Variants in TOM1 observed in about 807,000 individuals in gnomAD.
TOM1 encodes the protein target of Myb protein 1.
In TOM1, 38 loss-of-function variants were observed where a neutral mutation model predicts 61.3. The observed-to-expected ratio is 0.62, with a 90% confidence interval of 0.48 to 0.81. The LOEUF is 0.81. TOM1 is among the 40% of genes least tolerant of loss of function. TOM1 has a pLI of 0.00. For missense variants in TOM1, 591 were observed against 659.6 expected (o/e 0.90, Z 1.14); for synonymous variants, 270 against 268.8 (o/e 1.00, Z -0.04).
At chr22:35,302,493 C>T (rs1312796043) in intron 1 of TOM1, among the ~76,000 whole-genome samples, 2 of 151,844 alleles carry the variant, frequency 1.3e-5, no homozygotes, top group Non-Finnish European at 2.9e-5. Flanking sequence ...CGCTCCGCCA[C>T]ACCCGACTAA....
intron 11 of TOM1, chr22:35,336,594 A>C (rs971252522): frequency 6.6e-6 from 1 of 152,340 alleles, no homozygotes; most frequent in Non-Finnish European, 1.5e-5. Context: ...TCACAAAGGC[A>C]GGGGTGTCCT....
intron 6 of TOM1, 48 bp from the exon 7 acceptor site, chr22:35,327,223 G>A: frequency 1.3e-6 from 2 of 1,562,428 alleles, no homozygotes; most frequent in Admixed American, 1.7e-5. Flanking sequence ...GAGTAACATG[G>A]GCCCCAGAAC....
rs3765222 is a variant in TOM1 at position 35,327,238 on chromosome 22, G to T, written c.649-33G>T. The T allele has an allele frequency of 2.3e-5, 37 of 1,599,820 alleles. No individual in the cohort carries two copies. In the East Asian group the frequency reaches 8.3e-4, roughly 36 times the overall value. On this transcript the variant is annotated intron_variant, in intron 6 of 14. Coordinates refer to ENST00000449058, the MANE Select transcript of TOM1 (RefSeq NM_005488.3). ...GAGTAACATGGGCCCCAGAACCCTG[G>T]CTTCTCTCACCACGATCAACTGTGT...
chr22:35,328,374 C>A (rs1255188948), intron 7 of TOM1, among the ~76,000 whole-genome samples: 2 of 152,244 alleles, frequency 1.3e-5, no homozygotes, highest in Non-Finnish European at 2.9e-5. Flanking sequence ...AGCTCCCATG[C>A]ACTGGGCACT....
chr22:35,343,776 TAC>T (rs937204204), intron 12 of TOM1, among the ~76,000 whole-genome samples: 1 of 103,340 alleles, frequency 9.7e-6, no homozygotes, highest in Non-Finnish European at 2.0e-5. Flanking sequence ...CATACACACC[TAC>T]ACACACCACA....
At chr22:35,334,104 C>A (rs193120194) in intron 10 of TOM1, among the ~76,000 whole-genome samples, 2 of 152,176 alleles carry the variant, frequency 1.3e-5, no homozygotes, top group African/African-American at 2.4e-5. Flanking sequence ...TGTTCTCTAA[C>A]GCTCACAGCA....
In TOM1 at chr22:35,347,265, T is replaced by C. The variant is rs1478439295; in HGVS notation, c.*56T>C. ...CCCCACTGCTCTCACACCCTTAGGC[T>C]GGGACCTCCCTCCCTCCTCTGGTGT... On this transcript the variant is annotated 3_prime_UTR_variant, in exon 15 of 15. Transcript: ENST00000449058. 1 of 1,512,324 alleles carries C rather than the reference T, an allele frequency of 6.6e-7. No individual in the cohort carries two copies. The highest frequency in any genetic ancestry group is 1.4e-5 in the African/African-American group (1 of 71,600). 93.7% of individuals were successfully genotyped at this position (1,512,324 alleles called of 1,614,324 possible).
chr22:35,301,209 G>A (rs1162209618), intron 1 of TOM1, among the ~76,000 whole-genome samples: 1 of 152,006 alleles, frequency 6.6e-6, no homozygotes, highest in Non-Finnish European at 1.5e-5. Flanking sequence ...CCTGGACGAC[G>A]CAGGGAGAGC....
chr22:35,311,973 G>A (rs1039955260), intron 1 of TOM1, among the ~76,000 whole-genome samples: 5 of 152,120 alleles, frequency 3.3e-5, no homozygotes, highest in African/African-American at 9.7e-5. Context: ...AGGGGAGTTC[G>A]GCTGGGCACG....
chr22:35,343,018 C>A (rs1930034289), intron 12 of TOM1, among the ~76,000 whole-genome samples: 1 of 145,232 alleles, frequency 6.9e-6, no homozygotes, highest in Non-Finnish European at 1.5e-5. Context: ...CACACATCTA[C>A]ACCCACCACA....
chr22:35,301,696 C>A (rs1001174157), intron 1 of TOM1, among the ~76,000 whole-genome samples: 1 of 152,106 alleles, frequency 6.6e-6, no homozygotes, highest in Non-Finnish European at 1.5e-5. Flanking sequence ...GGTGGCTCTT[C>A]CGAGGTTTTG....
intron 13 of TOM1, 22 bp from the exon 14 acceptor site, chr22:35,346,908 T>A: frequency 6.2e-7 from 1 of 1,611,794 alleles, no homozygotes; most frequent in Non-Finnish European, 8.5e-7. Context: ...AACCTCTGCC[T>A]CCTTTCCTTC....
chr22:35,333,336 G>A (rs964381754), intron 9 of TOM1, 68 bp from the exon 10 acceptor site: 1 of 1,439,746 alleles, frequency 6.9e-7, no homozygotes, highest in African/African-American at 1.4e-5. Context: ...GCAAGCCACA[G>A]TGCTTGGGGC....
chr22:35,321,002 C>T (rs1208286548), intron 2 of TOM1, among the ~76,000 whole-genome samples: 2 of 61,926 alleles, frequency 3.2e-5, no homozygotes, highest in African/African-American at 3.9e-5. Context: ...AAAAAAAAAA[C>T]TTGAATGGAA....
chr22:35,312,200 C>A lies in TOM1; in HGVS notation c.53-5677C>A, dbSNP rs1926892893. Among the ~76,000 whole-genome samples the A allele has an allele frequency of 2.0e-5, 3 of 150,890 alleles. No homozygotes were observed. The South Asian group carries it at 6.3e-4, about 32-fold the overall frequency. On this transcript the variant is annotated intron_variant, in intron 1 of 14. Transcript: ENST00000449058. ...CGGAAGTTGCAGTGAGCCGAGATCG[C>A]ACCACTGTACTCCAGCCTGGGCGAC...
chr22:35,309,958 A>G (rs1926676103), intron 1 of TOM1, among the ~76,000 whole-genome samples: 1 of 152,192 alleles, frequency 6.6e-6, no homozygotes, highest in Admixed American at 6.5e-5. Context: ...GGTCTAGAAA[A>G]GCTAAATGCT....
intron 6 of TOM1, among the ~76,000 whole-genome samples, chr22:35,326,012 G>C (rs535017716): frequency 1.3e-5 from 2 of 152,284 alleles, no homozygotes; most frequent in South Asian, 4.1e-4. Context: ...GTTTTGGAAG[G>C]TGTCAGTGAA....
intron 13 of TOM1, 39 bp from the exon 14 acceptor site, chr22:35,346,891 C>T (rs1004053961): frequency 1.9e-6 from 3 of 1,600,504 alleles, no homozygotes; most frequent in East Asian, 2.2e-5. Flanking sequence ...GTACTGGGGG[C>T]CCGGCTAACC....
rs775917077 is a variant in TOM1, at chr22:35,346,978, C to T, written c.1324+9C>T. 6.2e-7 allele frequency: 1 copy of T among 1,607,666 alleles called. No homozygotes were observed. The highest frequency in any genetic ancestry group is 8.5e-7 in the Non-Finnish European group (1 of 1,175,808). On this transcript the variant is annotated intron_variant, in intron 14 of 14. Transcript: ENST00000449058. ...GGGGGTCACCAGCGAAGGTAGTAGTCCCCGCCCCTGCCCGCCCTCTCCTTT... is the reference window on the plus strand; with the variant it reads ...GGGGGTCACCAGCGAAGGTAGTAGTTCCCGCCCCTGCCCGCCCTCTCCTTT...
Sources: allele counts gnomAD v4.1 joint callset (sites outside exome capture counted in the v4.1 genomes callset), GRCh38; gene constraint gnomAD v4.1.1; transcripts MANE v1.5; gene names NCBI Gene and HGNC (gene_info 2026-07-23, HGNC 2026-07-21).